Variants in GLI2 observed in about 807,000 individuals in gnomAD.
GLI2 encodes transcription activator GLI2.
Under a neutral mutation model 78.9 loss-of-function variants are expected in GLI2, and 22 were observed. The ratio of observed to expected loss-of-function variants is 0.28; its 90% CI spans 0.20 to 0.40. The LOEUF is 0.40. Ranked by LOEUF, GLI2 falls within the 10% of genes least tolerant of loss-of-function variation. The pLI is 1.00. For synonymous variants in GLI2, 974 were observed against 963.7 expected (o/e 1.01, Z -0.20); for missense variants, 2,097 against 2,213.2 (o/e 0.95, Z 1.05).
In GLI2 at chr2:120,988,835, G is replaced by A. The variant is rs376969137; in HGVS notation, c.2870G>A (p.Arg957Gln). The A allele has an allele frequency of 6.8e-7, 1 of 1,470,308 alleles. No homozygotes were observed. The allele number at this position is 1,470,308 out of a possible 1,614,324, so 91.1% of individuals were successfully genotyped here. A position where few individuals can be genotyped will look rare whatever the true frequency, so the allele number is the denominator to read the frequency against. ...GGARRASDPV[R>Q]RPDALSLPRV... ...GCCAGGCGGGCCAGCGACCCTGTGC[G>A]GCGGCCCGATGCCCTGTCCCTGCCG... is the stretch of plus-strand genomic sequence containing the variant. Residue 957 changes from arginine (R) to glutamine (Q), a missense_variant, in exon 14 of 14, where the codon CGG (arginine) becomes CAG (glutamine). Arg to Gln is a conservative substitution (Grantham distance 43). Coordinates refer to ENST00000361492, the MANE Select transcript of GLI2 (RefSeq NM_001374353.1).
rs559585297 is a variant in GLI2, at chr2:120,769,526, T to C, written c.-30-27765T>C. 6.6e-5 allele frequency among the ~76,000 whole-genome samples: 10 copies of C among 152,322 alleles called. No homozygotes were observed. In the East Asian group the frequency reaches 1.9e-3, roughly 29 times the overall value. On this transcript the variant is annotated intron_variant, in intron 1 of 13. Coordinates refer to ENST00000361492, the MANE Select transcript of GLI2 (RefSeq NM_001374353.1). ...AGCGCTCCCAGCTACTGGGGAGTTG[T>C]CCATGCTCACCCTAGGTGACAATGA...
chr2:120,852,655 C>T (rs1687465236), intron 2 of GLI2, among the ~76,000 whole-genome samples: 1 of 152,222 alleles, frequency 6.6e-6, no homozygotes, highest in South Asian at 2.1e-4. Context: ...CCTCTCCTGC[C>T]TCCCCAGCCC....
chr2:120,828,302 C>T (rs889413771), intron 2 of GLI2, among the ~76,000 whole-genome samples: 1 of 152,226 alleles, frequency 6.6e-6, no homozygotes, highest in South Asian at 2.1e-4. Flanking sequence ...AGAGAAAGCA[C>T]CTGTGAGGCC....
chr2:120,890,429 GCACA>G (rs1677621889), intron 2 of GLI2, among the ~76,000 whole-genome samples: 1 of 134,670 alleles, frequency 7.4e-6, no homozygotes, highest in African/African-American at 3.1e-5. Context: ...AAAACTAAAT[GCACA>G]CACATTCACA....
chr2:120,885,836 G>A (rs985414099), intron 2 of GLI2, among the ~76,000 whole-genome samples: 1 of 152,228 alleles, frequency 6.6e-6, no homozygotes, highest in African/African-American at 2.4e-5. Flanking sequence ...ATGTGTGGGA[G>A]CGGGGCCTCA....
intron 1 of GLI2, among the ~76,000 whole-genome samples, chr2:120,744,707 G>C (rs1412811049): frequency 6.6e-6 from 1 of 152,080 alleles, no homozygotes; most frequent in Admixed American, 6.5e-5. Context: ...AAATGTGCTT[G>C]TACCCAAGAA....
intron 1 of GLI2, among the ~76,000 whole-genome samples, chr2:120,758,625 A>G (rs929877354): frequency 5.3e-5 from 8 of 152,216 alleles, no homozygotes; most frequent in African/African-American, 1.7e-4. Flanking sequence ...GAGCTCAGCT[A>G]CACAGTGGAA....
At chr2:120,777,483 T>G (rs537136958) in intron 1 of GLI2, among the ~76,000 whole-genome samples, 11 of 151,044 alleles carry the variant, frequency 7.3e-5, no homozygotes, top group Admixed American at 1.3e-4. Flanking sequence ...TGACCTGACA[T>G]GTGTGCCCAC....
intron 2 of GLI2, among the ~76,000 whole-genome samples, chr2:120,797,989 G>A (rs376303573): frequency 6.6e-6 from 1 of 152,164 alleles, no homozygotes; most frequent in Non-Finnish European, 1.5e-5. Context: ...TCATTTTACT[G>A]CCCCAAAGAG....
intron 2 of GLI2, among the ~76,000 whole-genome samples, chr2:120,919,292 G>A (rs944567566): frequency 1.3e-5 from 2 of 152,354 alleles, no homozygotes; most frequent in African/African-American, 4.8e-5. Flanking sequence ...CCCCCATAGT[G>A]GGAACAAAAT....
chr2:120,975,437 A>AT (rs72382377), intron 9 of GLI2, among the ~76,000 whole-genome samples: 75 of 151,352 alleles, frequency 5.0e-4, no homozygotes, highest in African/African-American at 1.5e-3. Context: ...CTATATACAC[A>AT]TTTTTTTTTT....
intron 2 of GLI2, among the ~76,000 whole-genome samples, chr2:120,816,897 G>C (rs1305808627): frequency 1.3e-5 from 2 of 152,166 alleles, no homozygotes; most frequent in Non-Finnish European, 2.9e-5. Context: ...CGACATTATG[G>C]AATCTGAAAC....
chr2:120,964,949 C>T (rs1430528986), intron 5 of GLI2, among the ~76,000 whole-genome samples: 3 of 152,244 alleles, frequency 2.0e-5, no homozygotes, highest in African/African-American at 7.2e-5. Context: ...TTGAGCAAGT[C>T]ACTGACCTCT....
chr2:120,857,604 A>T (rs1687722274), intron 2 of GLI2, among the ~76,000 whole-genome samples: 1 of 144,636 alleles, frequency 6.9e-6, no homozygotes, highest in African/African-American at 2.5e-5. Context: ...CACCTCACCC[A>T]AACACCCACC....
At chr2:120,788,636 T>C (rs537727087) in intron 1 of GLI2, among the ~76,000 whole-genome samples, 2 of 152,336 alleles carry the variant, frequency 1.3e-5, no homozygotes, top group South Asian at 4.1e-4. Flanking sequence ...AGCAAGTCAG[T>C]GAATTAGGGT....
chr2:120,960,144 A>G (rs1681475674), intron 5 of GLI2, among the ~76,000 whole-genome samples: 1 of 152,184 alleles, frequency 6.6e-6, no homozygotes, highest in Non-Finnish European at 1.5e-5. Context: ...GACGCAACGC[A>G]TCATGAGCAG....
At chr2:120,911,773 G>C (rs994275814) in intron 2 of GLI2, among the ~76,000 whole-genome samples, 8 of 151,944 alleles carry the variant, frequency 5.3e-5, no homozygotes, top group Non-Finnish European at 1.2e-4. Context: ...AGGCAGGCTC[G>C]TGTGGACTGG....
intron 2 of GLI2, among the ~76,000 whole-genome samples, chr2:120,874,133 A>C (rs2104686178): frequency 6.6e-6 from 1 of 152,148 alleles, no homozygotes; most frequent in African/African-American, 2.4e-5. Flanking sequence ...ACGGTGTTCA[A>C]CCGCCTGGTG....
chr2:120,793,710 AG>A (rs1215657286), intron 1 of GLI2, among the ~76,000 whole-genome samples: 1 of 152,216 alleles, frequency 6.6e-6, no homozygotes, highest in African/African-American at 2.4e-5. Context: ...ACGAAACCTC[AG>A]GTGCATCTGT....
Sources: allele counts gnomAD v4.1 joint callset (sites outside exome capture counted in the v4.1 genomes callset), GRCh38; gene constraint gnomAD v4.1.1; transcripts MANE v1.5; gene names NCBI Gene and HGNC (gene_info 2026-07-23, HGNC 2026-07-21).